RBFOX1: variants seen among roughly 807,000 people sequenced by gnomAD.
RBFOX1 encodes RNA binding protein fox-1 homolog 1.
A neutral mutation model predicts 57.7 loss-of-function variants in RBFOX1; 8 were observed. The observed-to-expected ratio is 0.14, with a 90% CI of 0.08 to 0.25. The LOEUF (loss-of-function observed/expected upper bound fraction) is 0.25. Ranked by LOEUF, RBFOX1 falls within the 10% of genes least tolerant of loss-of-function variation. The pLI, the probability that RBFOX1 is intolerant of heterozygous loss-of-function variation, is 1.00. For missense variants in RBFOX1, 611 were observed against 548.5 expected, an observed-to-expected ratio of 1.11 and a Z score of -1.14; for synonymous variants, 326 against 222.4, an observed-to-expected ratio of 1.47 and a Z score of -4.15.
intron 2 of RBFOX1, among the ~76,000 whole-genome samples, chr16:5,577,912 C>A (rs979604584): frequency 6.6e-6 from 1 of 152,166 alleles, no homozygotes. Flanking sequence ...GAGGCCAAGT[C>A]AAATTTAAGA....
chr16:7,575,270 G>A (rs1490537285), intron 5 of RBFOX1, among the ~76,000 whole-genome samples: 1 of 151,992 alleles, frequency 6.6e-6, no homozygotes, highest in Non-Finnish European at 1.5e-5. Context: ...AAGTAGCTGG[G>A]ATTACAGGTG....
At chr16:6,673,796 G>A (rs2098783209) in intron 3 of RBFOX1, among the ~76,000 whole-genome samples, 1 of 152,066 alleles carries the variant, frequency 6.6e-6, no homozygotes. Flanking sequence ...TCACAAAAAG[G>A]CAGGTGTACA....
chr16:6,278,928 A>G (rs1178405736), intron 1 of RBFOX1, among the ~76,000 whole-genome samples: 2 of 152,150 alleles, frequency 1.3e-5, no homozygotes, highest in African/African-American at 2.4e-5. Context: ...GAAGGTTGAG[A>G]TATGTCTAAC....
intron 3 of RBFOX1, among the ~76,000 whole-genome samples, chr16:6,674,541 C>G (rs1186955315): frequency 3.3e-5 from 5 of 151,994 alleles, no homozygotes; most frequent in Admixed American, 2.6e-4. Flanking sequence ...AGGATGGTGT[C>G]GAACTCCTGA....
chr16:7,143,967 A>G (rs375982716), intron 4 of RBFOX1, among the ~76,000 whole-genome samples: 4 of 152,276 alleles, frequency 2.6e-5, no homozygotes, highest in Admixed American at 1.3e-4. Context: ...GAAAACAATC[A>G]TAACTCTCTT....
chr16:5,620,170 G>A (rs557226048), intron 3 of RBFOX1, among the ~76,000 whole-genome samples: 12 of 152,104 alleles, frequency 7.9e-5, no homozygotes, highest in Non-Finnish European at 1.5e-4. Flanking sequence ...GGAGCTTTGC[G>A]TACATTTTTG....
intron 4 of RBFOX1, among the ~76,000 whole-genome samples, chr16:5,919,965 G>A (rs1333440348): frequency 6.6e-6 from 1 of 152,030 alleles, no homozygotes. Flanking sequence ...TTTAGACGGA[G>A]TCTCGCACTG....
At chr16:6,548,143 A>C (rs940972342) in intron 2 of RBFOX1, among the ~76,000 whole-genome samples, 1 of 152,216 alleles carries the variant, frequency 6.6e-6, no homozygotes, top group African/African-American at 2.4e-5. Flanking sequence ...ATCCAGTTAA[A>C]TGTGTCACTT....
At chr16:6,295,653 C>T (rs2078016614) in intron 1 of RBFOX1, among the ~76,000 whole-genome samples, 1 of 152,208 alleles carries the variant, frequency 6.6e-6, no homozygotes, top group Non-Finnish European at 1.5e-5. Flanking sequence ...TCATTTCACA[C>T]ATGTCCAATG....
chr16:7,505,426 G>T (rs771727585), intron 4 of RBFOX1, among the ~76,000 whole-genome samples: 3 of 152,162 alleles, frequency 2.0e-5, no homozygotes, highest in African/African-American at 7.2e-5. Flanking sequence ...GCTTGATGCC[G>T]TTGGTTGGGA....
chr16:7,465,195 G>A (rs913765378), intron 4 of RBFOX1, among the ~76,000 whole-genome samples: 18 of 152,082 alleles, frequency 1.2e-4, no homozygotes, highest in Admixed American at 2.6e-4. Context: ...TACAAACCTA[G>A]CTCAATCTTG....
At chr16:5,535,598 T>C (rs1301172677) in intron 2 of RBFOX1, among the ~76,000 whole-genome samples, 3 of 152,198 alleles carry the variant, frequency 2.0e-5, no homozygotes, top group Admixed American at 1.3e-4. Context: ...CTCTCCCCAC[T>C]GGGTCATGCT....
At chr16:6,509,013 G>C (rs1003596616) in intron 2 of RBFOX1, among the ~76,000 whole-genome samples, 2 of 152,154 alleles carry the variant, frequency 1.3e-5, no homozygotes, top group African/African-American at 2.4e-5. Flanking sequence ...TGGCAGTTAA[G>C]ATCACCCTTC....
At chr16:7,123,427 C>T (rs1219241902) in intron 4 of RBFOX1, among the ~76,000 whole-genome samples, 2 of 152,108 alleles carry the variant, frequency 1.3e-5, no homozygotes, top group African/African-American at 4.8e-5. Context: ...TACAGTGGTG[C>T]CAATACAGCT....
intron 2 of RBFOX1, among the ~76,000 whole-genome samples, chr16:6,485,805 A>G (rs2095467622): frequency 6.6e-6 from 1 of 152,146 alleles, no homozygotes; most frequent in Non-Finnish European, 1.5e-5. Flanking sequence ...TTGTCTCTTA[A>G]AATCTTATCC....
intron 1 of RBFOX1, among the ~76,000 whole-genome samples, chr16:6,266,228 C>G (rs2074471049): frequency 6.6e-6 from 1 of 152,158 alleles, no homozygotes; most frequent in East Asian, 1.9e-4. Context: ...AAAGCCATAG[C>G]TAAAAGACAG....
chr16:6,867,037 C>G (rs995592119), intron 3 of RBFOX1, among the ~76,000 whole-genome samples: 1 of 150,464 alleles, frequency 6.6e-6, no homozygotes, highest in Non-Finnish European at 1.5e-5. Flanking sequence ...AAAAAAACTT[C>G]CATGTCTTGC....
chr16:5,294,943 T>C (rs1424248796), intron 1 of RBFOX1, among the ~76,000 whole-genome samples: 3 of 145,328 alleles, frequency 2.1e-5, no homozygotes, highest in Admixed American at 7.2e-5. Flanking sequence ...GGCTGGAGAA[T>C]CCCTTGAGCC....
chr16:6,179,702 G>T (rs2097047370), intron 1 of RBFOX1, among the ~76,000 whole-genome samples: 1 of 152,112 alleles, frequency 6.6e-6, no homozygotes, highest in Non-Finnish European at 1.5e-5. Context: ...TATTATTGTT[G>T]TTATTGTTAA....
Sources: gnomAD v4.1 joint callset for allele counts (sites outside exome capture counted in the v4.1 genomes callset) on GRCh38, gnomAD v4.1.1 for gene constraint, MANE v1.5 for transcripts, NCBI Gene and HGNC (gene_info 2026-07-23, HGNC 2026-07-21) for gene names.